Variants in FMN2 observed in about 807,000 individuals in gnomAD.
The protein encoded by FMN2 is formin-2.
FMN2 carries 51 observed loss-of-function variants against 142.3 expected under a neutral mutation model. The ratio of observed to expected loss-of-function variants is 0.36; its 90% CI spans 0.29 to 0.45. FMN2 has a LOEUF of 0.45. FMN2 is among the 20% of genes least tolerant of loss of function. FMN2 has a pLI of 1.00. For missense variants in FMN2, 1,936 were observed against 2,122.8 expected (o/e 0.91, Z 1.73); for synonymous variants, 882 against 869.8 (o/e 1.01, Z -0.25).
At chr1:240,096,536 G>A (rs1403530326) in intron 1 of FMN2, among the ~76,000 whole-genome samples, 1 of 151,996 alleles carries the variant, frequency 6.6e-6, no homozygotes, top group Admixed American at 6.6e-5. Context: ...ATTTTTTTAC[G>A]GGTGTCTTGG....
rs1020446362 is a variant in FMN2 at position 240,366,350 on chromosome 1, C to T, written c.4858+10442C>T. On this transcript the variant is annotated intron_variant, in intron 14 of 17. Transcript: ENST00000319653. ...TGCCAAAAATGTAAATCATAACCAA[C>T]GTATTGTTTACAATTTTAGGAACTT... Among the ~76,000 whole-genome samples the T allele has an allele frequency of 1.5e-4, 23 of 152,162 alleles. No homozygotes were observed. The Middle Eastern group carries it at 0.014, about 90-fold the overall frequency.
At chr1:240,327,276 C>T (rs908864415) in intron 8 of FMN2, among the ~76,000 whole-genome samples, 7 of 152,202 alleles carry the variant, frequency 4.6e-5, no homozygotes, top group Non-Finnish European at 1.0e-4. Flanking sequence ...ATCAGCTTCT[C>T]TGGCAGATCT....
chr1:240,447,905 A>G (rs1675882551), intron 16 of FMN2, among the ~76,000 whole-genome samples: 1 of 152,254 alleles, frequency 6.6e-6, no homozygotes, highest in African/African-American at 2.4e-5. Context: ...GGAAGGAAGA[A>G]GAATTAAGTA....
At chr1:240,186,631 C>T (rs1365513062) in intron 3 of FMN2, among the ~76,000 whole-genome samples, 2 of 152,116 alleles carry the variant, frequency 1.3e-5, no homozygotes, top group Non-Finnish European at 2.9e-5. Flanking sequence ...AGAGTGAGTG[C>T]AGTGCTCTGG....
At chr1:240,213,223 G>A (rs567425652) in intron 6 of FMN2, among the ~76,000 whole-genome samples, 7 of 152,112 alleles carry the variant, frequency 4.6e-5, no homozygotes, top group East Asian at 1.9e-4. Context: ...ATAAATTGTC[G>A]GTAAGAGACT....
intron 15 of FMN2, among the ~76,000 whole-genome samples, chr1:240,404,267 A>G (rs1454207874): frequency 1.3e-5 from 2 of 152,340 alleles, no homozygotes; most frequent in African/African-American, 4.8e-5. Flanking sequence ...TATCCAAGGA[A>G]TGGACTTCTG....
At chr1:240,211,445 C>T (rs1448303901) in intron 6 of FMN2, among the ~76,000 whole-genome samples, 1 of 152,154 alleles carries the variant, frequency 6.6e-6, no homozygotes, top group Non-Finnish European at 1.5e-5. Context: ...GATAATGTCC[C>T]AACTTTTATT....
intron 3 of FMN2, among the ~76,000 whole-genome samples, chr1:240,184,517 GTTT>G (rs71712034): frequency 1.1e-4 from 13 of 119,784 alleles, no homozygotes; most frequent in African/African-American, 3.8e-4. Context: ...CGCCCGGCCT[GTTT>G]TTTTTTTTTT....
At chr1:240,458,290 C>T (rs1224948793) in intron 16 of FMN2, 1 of 152,194 alleles carries the variant, frequency 6.6e-6, no homozygotes, top group Admixed American at 6.5e-5. Flanking sequence ...GTATCTCCCA[C>T]ATCTTATCCC....
At chr1:240,369,409 A>G (rs1172489865) in intron 14 of FMN2, among the ~76,000 whole-genome samples, 1 of 152,120 alleles carries the variant, frequency 6.6e-6, no homozygotes, top group African/African-American at 2.4e-5. Flanking sequence ...ATATAGAATT[A>G]TTATTTTATG....
intron 11 of FMN2, among the ~76,000 whole-genome samples, chr1:240,333,618 A>G (rs929699426): frequency 6.6e-6 from 1 of 152,162 alleles, no homozygotes; most frequent in Non-Finnish European, 1.5e-5. Context: ...CTAAATTTCT[A>G]ATTGAGGGGG....
intron 15 of FMN2, among the ~76,000 whole-genome samples, chr1:240,434,194 C>G (rs1479878163): frequency 6.6e-6 from 1 of 152,152 alleles, no homozygotes; most frequent in Non-Finnish European, 1.5e-5. Context: ...ACTACTACCT[C>G]TTCATGTGCC....
intron 4 of FMN2, among the ~76,000 whole-genome samples, chr1:240,205,681 T>C (rs1666320212): frequency 6.6e-6 from 1 of 151,812 alleles, no homozygotes; most frequent in Non-Finnish European, 1.5e-5. Context: ...CAGGATTGCC[T>C]CGATCTCCTG....
chr1:240,445,550 G>A (rs1675776429), intron 16 of FMN2, among the ~76,000 whole-genome samples: 1 of 152,266 alleles, frequency 6.6e-6, no homozygotes, highest in Admixed American at 6.5e-5. Flanking sequence ...GATGTTCACG[G>A]CAATGTGGCA....
intron 14 of FMN2, among the ~76,000 whole-genome samples, chr1:240,388,754 C>G (rs543186476): frequency 1.3e-5 from 2 of 149,966 alleles, no homozygotes; most frequent in Non-Finnish European, 3.0e-5. Flanking sequence ...CCCAACTACT[C>G]GGGAGGCTGA....
intron 16 of FMN2, among the ~76,000 whole-genome samples, chr1:240,438,844 A>C (rs539518252): frequency 6.6e-6 from 1 of 152,350 alleles, no homozygotes; most frequent in South Asian, 2.1e-4. Context: ...CCAGGGCGCC[A>C]TCCCCAAATA....
chr1:240,143,155 G>A, intron 2 of FMN2: 1 of 1,576,980 alleles, frequency 6.3e-7, no homozygotes, highest in Non-Finnish European at 8.7e-7. Context: ...TGAGCTAACT[G>A]GCGCAACATT....
chr1:240,439,248 G>A (rs1252269827), intron 16 of FMN2, among the ~76,000 whole-genome samples: 7 of 139,844 alleles, frequency 5.0e-5, no homozygotes, highest in African/African-American at 2.0e-4. Flanking sequence ...ACTTCAGCCT[G>A]GACAACAGAG....
intron 1 of FMN2, among the ~76,000 whole-genome samples, chr1:240,094,025 A>T (rs2103161537): frequency 6.6e-6 from 1 of 152,366 alleles, no homozygotes; most frequent in East Asian, 1.9e-4. Flanking sequence ...GGGTCACGCC[A>T]GGGAGATAAA....
Sources: allele counts gnomAD v4.1 joint callset (sites outside exome capture counted in the v4.1 genomes callset), GRCh38; gene constraint gnomAD v4.1.1; transcripts MANE v1.5; gene names NCBI Gene and HGNC (gene_info 2026-07-23, HGNC 2026-07-21).